Variants in TRAPPC8 observed in about 807,000 individuals in gnomAD.
TRAPPC8 encodes the protein trafficking protein particle complex subunit 8.
In TRAPPC8, 54 loss-of-function variants were observed where a neutral mutation model predicts 174.3. That is an observed-to-expected ratio of 0.31 (90% CI 0.25 to 0.39). TRAPPC8 has a LOEUF of 0.39. Among genes scored for constraint, TRAPPC8 ranks in the 10% least tolerant of loss-of-function variants. The pLI is 1.00. For synonymous variants in TRAPPC8, 630 were observed against 579.9 expected, an observed-to-expected ratio of 1.09 and a Z score of -1.24; for missense variants, 1,531 against 1,699.1, an observed-to-expected ratio of 0.90 and a Z score of 1.74.
At chr18:31,887,802 C>T (rs781477465) in intron 12 of TRAPPC8, among the ~76,000 whole-genome samples, 2 of 152,052 alleles carry the variant, frequency 1.3e-5, no homozygotes, top group Non-Finnish European at 2.9e-5. Flanking sequence ...GACAAGGATG[C>T]CCTCTCTCAC....
chr18:31,899,562 C>T (rs917683950), intron 10 of TRAPPC8, among the ~76,000 whole-genome samples: 4 of 152,190 alleles, frequency 2.6e-5, no homozygotes, highest in Middle Eastern at 3.4e-3. Flanking sequence ...TTAATCTTTC[C>T]GAAAAATAAC....
At chr18:31,865,485 G>A (rs1166402463) in intron 18 of TRAPPC8, among the ~76,000 whole-genome samples, 2 of 151,964 alleles carry the variant, frequency 1.3e-5, no homozygotes, top group Admixed American at 1.3e-4. Context: ...CACACTTCAT[G>A]TGACCCAAAT....
At chr18:31,920,482 C>T (rs2037335173) in intron 2 of TRAPPC8, among the ~76,000 whole-genome samples, 1 of 152,068 alleles carries the variant, frequency 6.6e-6, no homozygotes, top group South Asian at 2.1e-4. Flanking sequence ...CATGCAATAC[C>T]AGCTGCTTCA....
chr18:31,924,620 A>G (rs2037533662), intron 2 of TRAPPC8, among the ~76,000 whole-genome samples: 1 of 147,786 alleles, frequency 6.8e-6, no homozygotes. Context: ...TAATAATACT[A>G]ATTTTTTTAA....
At chr18:31,873,375 A>G (rs1223085550) in intron 14 of TRAPPC8, 55 bp downstream of exon 14, 24 of 1,400,320 alleles carry the variant, frequency 1.7e-5, no homozygotes, top group Non-Finnish European at 2.3e-5. Flanking sequence ...AGAAAGGAAA[A>G]GAAGTTTTTT....
chr18:31,906,900 A>T (rs184037400), intron 9 of TRAPPC8, among the ~76,000 whole-genome samples: 3 of 152,332 alleles, frequency 2.0e-5, no homozygotes, highest in East Asian at 3.9e-4. Context: ...CTTGCCTAAG[A>T]TGAGAGAGTG....
chr18:31,907,622 A>C lies in TRAPPC8; in HGVS notation c.1239-12T>G. 1 of 1,581,166 alleles carries C rather than the reference A, an allele frequency of 6.3e-7. No homozygotes were observed. The highest frequency in any genetic ancestry group is 8.6e-7 in the Non-Finnish European group (1 of 1,162,396). The stretch of plus-strand genomic sequence containing the variant: ...CTTCCGGCGGATACCTGTAAATACA[A>C]AAGAAAATAATTTATAATTTATTAC... On this transcript the variant is annotated splice_polypyrimidine_tract_variant and intron_variant, in intron 8 of 28. Coordinates refer to ENST00000283351, the MANE Select transcript of TRAPPC8 (RefSeq NM_014939.5).
Position 31,854,965 on chromosome 18 carries a change from CA to C in TRAPPC8, c.3336+694del, listed in dbSNP as rs71175798. 9.5e-3 allele frequency among the ~76,000 whole-genome samples: 433 copies of C among 45,626 alleles called. 1 individual carries two copies. Among genetic ancestry groups the C allele is most frequent in the African/African-American group, 0.03 (315 of 10,392 alleles). The allele number at this position is 45,626 out of a possible 152,430, so 29.9% of individuals were successfully genotyped here. A position where few individuals can be genotyped will look rare whatever the true frequency, so the allele number is the denominator to read the frequency against. ...TGGGCGACAGAGCAAGACTCCATCT[CA>C]AAAAAAAAAAAAAAAAAAAAAGAAT... is the stretch of plus-strand genomic sequence containing the variant. On this transcript the variant is annotated intron_variant, in intron 21 of 28. Coordinates refer to ENST00000283351, the MANE Select transcript of TRAPPC8 (RefSeq NM_014939.5).
Position 31,942,708 on chromosome 18 carries a change from A to G in TRAPPC8, c.57T>C (p.Cys19=). 1 of 1,607,530 alleles carries G rather than the reference A, an allele frequency of 6.2e-7. No homozygotes were observed. The highest frequency in any genetic ancestry group is 8.5e-7 in the Non-Finnish European group (1 of 1,177,266). Reference sequence around the variant, plus strand: ...CTTCGTCGCTGCACAGCGCAGCGACACAGGGGACGAAGGAGTCCGGGATTA... The same window carrying G: ...CTTCGTCGCTGCACAGCGCAGCGACGCAGGGGACGAAGGAGTCCGGGATTA... ...QELIPDSFVP[C]VAALCSDEAE... Residue 19 remains cysteine, a synonymous_variant, in exon 1 of 29, where the codon TGT becomes TGC. Coordinates refer to ENST00000283351, the MANE Select transcript of TRAPPC8 (RefSeq NM_014939.5).
chr18:31,857,653 T>TAGA lies in TRAPPC8; in HGVS notation c.3072_3074dup (p.Leu1025dup), dbSNP rs1159361980. 112 of 1,614,026 alleles carry TAGA rather than the reference T, an allele frequency of 6.9e-5. No individual in the cohort carries two copies. Among genetic ancestry groups the TAGA allele is most frequent in the Non-Finnish European group, 9.3e-5 (110 of 1,180,028 alleles). ...TTGGCAGCTGCACTGAGGCTCCGGGTAGAAGAACAGTGTCAGGAAGGGGAA... is the reference window on the plus strand; with the variant it reads ...TTGGCAGCTGCACTGAGGCTCCGGGTAGAAGAAGAACAGTGTCAGGAAGGGGAA... On this transcript the variant is annotated inframe_insertion, in exon 20 of 29. Transcript: ENST00000283351.
At chr18:31,859,296 GA>G (rs953381432) in intron 19 of TRAPPC8, among the ~76,000 whole-genome samples, 2 of 151,892 alleles carry the variant, frequency 1.3e-5, no homozygotes, top group Non-Finnish European at 2.9e-5. Context: ...TTCTTAAAAA[GA>G]AAAAAATCAG....
chr18:31,874,271 A>G (rs2035032247), intron 13 of TRAPPC8: 1 of 535,604 alleles, frequency 1.9e-6, no homozygotes, highest in Non-Finnish European at 3.3e-6. Context: ...TCAAGTGTTC[A>G]TTGTAATATT....
At chr18:31,901,114 TG>T in intron 9 of TRAPPC8, 89 bp from the exon 10 acceptor site, 1 of 1,177,862 alleles carries the variant, frequency 8.5e-7, no homozygotes, top group Non-Finnish European at 1.2e-6. Context: ...TGAAATTTGC[TG>T]TTTTTTTTTT....
In TRAPPC8 at chr18:31,931,414, C is replaced by A; in HGVS notation, c.267G>T (p.Leu89Phe). The part of the protein sequence containing the change: ...PPQPGAIRKL[L>F]NDVVSGSQPA... ...GCTGACTGCCAGAAACAACATCATTCAAAAGCTTCCGGATGGCTCCAGGCT... is the reference window on the plus strand; with the variant it reads ...GCTGACTGCCAGAAACAACATCATTAAAAAGCTTCCGGATGGCTCCAGGCT... Residue 89 changes from leucine to phenylalanine, a missense_variant, in exon 2 of 29, where the codon TTG becomes TTT. Leu to Phe is a conservative substitution (Grantham distance 22). Coordinates refer to ENST00000283351, the MANE Select transcript of TRAPPC8 (RefSeq NM_014939.5). 1 of 1,612,998 alleles carries A rather than the reference C, an allele frequency of 6.2e-7. No individual in the cohort carries two copies. Among genetic ancestry groups the A allele is most frequent in the Non-Finnish European group, 8.5e-7 (1 of 1,179,406 alleles).
rs139897011 is a variant in TRAPPC8 at position 31,833,950 on chromosome 18, C to T, written c.3984-1777G>A. Among the ~76,000 whole-genome samples the T allele has an allele frequency of 7.3e-3, 997 of 136,136 alleles. 13 individuals carry two copies. Among genetic ancestry groups the T allele is most frequent in the African/African-American group, 0.027 (951 of 35,838 alleles). 89.3% of individuals were successfully genotyped at this position (136,136 alleles called of 152,430 possible). A position where few individuals can be genotyped will look rare whatever the true frequency, so the allele number is the denominator to read the frequency against. On this transcript the variant is annotated intron_variant, in intron 27 of 28. Transcript: ENST00000283351. Reference sequence around the variant, plus strand: ...CCAGGAGGTGGAGCTTGCAGTGAGCCGAGATCACACCACTGCACTCGAGCC... The same window carrying T: ...CCAGGAGGTGGAGCTTGCAGTGAGCTGAGATCACACCACTGCACTCGAGCC...
At chr18:31,919,138 TTACATA>T in intron 2 of TRAPPC8, among the ~76,000 whole-genome samples, 1 of 152,290 alleles carries the variant, frequency 6.6e-6, no homozygotes, top group Non-Finnish European at 1.5e-5. Flanking sequence ...GACCCATATA[TTACATA>T]TAGTCTGATT....
At position 31,942,711 on chromosome 18, in the gene TRAPPC8, G is replaced by A. The variant is rs756171492; in HGVS notation, c.54C>T (p.Pro18=). ...VQELIPDSFV[P]CVAALCSDEA... is the part of the protein sequence containing the mutation. ...CGTCGCTGCACAGCGCAGCGACACA[G>A]GGGACGAAGGAGTCCGGGATTAGCT... The change falls in exon 1 of 29, where the codon CCC becomes CCT. Residue 18 remains proline, a synonymous_variant. Coordinates refer to ENST00000283351, the MANE Select transcript of TRAPPC8 (RefSeq NM_014939.5). 3 of 1,606,740 alleles carry A rather than the reference G, an allele frequency of 1.9e-6. No homozygotes were observed. Among genetic ancestry groups the A allele is most frequent in the Admixed American group, 1.7e-5 (1 of 58,762 alleles).
chr18:31,886,676 T>C (rs1022236080), intron 12 of TRAPPC8, among the ~76,000 whole-genome samples: 3 of 152,208 alleles, frequency 2.0e-5, no homozygotes, highest in Non-Finnish European at 4.4e-5. Context: ...TGAAAAATAA[T>C]TGAACTATAA....
At chr18:31,854,007 T>C (rs888886455) in intron 21 of TRAPPC8, 62 bp from the exon 22 acceptor site, 18 of 1,326,640 alleles carry the variant, frequency 1.4e-5, no homozygotes, top group Non-Finnish European at 1.8e-5. Context: ...AATGTTCCGA[T>C]GAGAATAAAA....
Sources: gnomAD v4.1 joint callset for allele counts (sites outside exome capture counted in the v4.1 genomes callset) on GRCh38, gnomAD v4.1.1 for gene constraint, MANE v1.5 for transcripts, NCBI Gene and HGNC (gene_info 2026-07-23, HGNC 2026-07-21) for gene names.